The following KCND2 variants were observed in gnomAD, a reference collection of about 807,000 sequenced individuals.
KCND2 encodes A-type voltage-gated potassium channel KCND2.
In KCND2, 16 loss-of-function variants were observed where a neutral mutation model predicts 54.4. The ratio of observed to expected loss-of-function variants is 0.29; its 90% confidence interval spans 0.20 to 0.45. KCND2 has a LOEUF of 0.45. Ranked by LOEUF, KCND2 falls within the 20% of genes least tolerant of loss-of-function variation. KCND2 has a pLI of 1.00. For missense variants in KCND2, 486 were observed against 824.2 expected, an observed-to-expected ratio of 0.59 and a Z score of 5.02; for synonymous variants, 317 against 310.7, an observed-to-expected ratio of 1.02 and a Z score of -0.21.
intron 1 of KCND2, among the ~76,000 whole-genome samples, chr7:120,519,441 C>T (rs572930843): frequency 6.6e-6 from 1 of 152,244 alleles, no homozygotes; most frequent in African/African-American, 2.4e-5. Context: ...CTCATCTCTA[C>T]CACAGTGAAC....
At position 120,723,086 on chromosome 7, in the gene KCND2, G is replaced by A. The variant is rs933491495; in HGVS notation, c.1116-9817G>A. ...AGTTACCTTTCAAAGGCCAGGAAGA[G>A]ATGGAAGCAATGGCCGCAGGTAACT... On this transcript the variant is annotated intron_variant, in intron 1 of 5. Coordinates refer to ENST00000331113, the MANE Select transcript of KCND2 (RefSeq NM_012281.3). Among the ~76,000 whole-genome samples the A allele has an allele frequency of 2.0e-5, 3 of 152,164 alleles. No individual in the cohort carries two copies. The South Asian group carries it at 6.2e-4, about 32-fold the overall frequency.
At chr7:120,680,812 G>A (rs948160970) in intron 1 of KCND2, among the ~76,000 whole-genome samples, 1 of 152,000 alleles carries the variant, frequency 6.6e-6, no homozygotes, top group African/African-American at 2.4e-5. Context: ...TCCAATATTT[G>A]TTGATCAAAG....
chr7:120,343,163 G>A (rs1800266655), intron 1 of KCND2, among the ~76,000 whole-genome samples: 1 of 152,160 alleles, frequency 6.6e-6, no homozygotes, highest in African/African-American at 2.4e-5. Flanking sequence ...CATGTTGATG[G>A]CTAGGACTAG....
chr7:120,644,756 A>G (rs1410628358), intron 1 of KCND2, among the ~76,000 whole-genome samples: 2 of 152,192 alleles, frequency 1.3e-5, no homozygotes, highest in African/African-American at 4.8e-5. Flanking sequence ...ATTAATTAGG[A>G]ATATATTTAC....
chr7:120,512,943 C>T (rs1803142111), intron 1 of KCND2, among the ~76,000 whole-genome samples: 1 of 151,748 alleles, frequency 6.6e-6, no homozygotes, highest in African/African-American at 2.4e-5. Flanking sequence ...TAGAGGCATG[C>T]ACCACCATGC....
At chr7:120,273,145 A>C (rs1342327738), upstream of KCND2, among the ~76,000 whole-genome samples, 1 of 152,106 alleles carries the variant, frequency 6.6e-6, no homozygotes, top group African/African-American at 2.4e-5. Context: ...GAGAAAGGTC[A>C]AGCCGAGGGA....
At chr7:120,326,199 G>A (rs1375072649) in intron 1 of KCND2, among the ~76,000 whole-genome samples, 1 of 152,066 alleles carries the variant, frequency 6.6e-6, no homozygotes, top group African/African-American at 2.4e-5. Flanking sequence ...AATGACGAAT[G>A]TACCTATGCA....
rs1267453745 is a variant in KCND2 at position 120,274,269 on chromosome 7, TC to T, written c.-362del. The T allele has an allele frequency of 2.6e-6, 1 of 392,094 alleles. No individual in the cohort carries two copies. The highest frequency in any genetic ancestry group is 2.0e-5 in the African/African-American group (1 of 48,824). The allele number at this position is 392,094 out of a possible 1,614,324, so 24.3% of individuals were successfully genotyped here. A position where few individuals can be genotyped will look rare whatever the true frequency, so the allele number is the denominator to read the frequency against. ...CACTCCACATACTGACCCTATATTA[TC>T]CAGACTGTGCCGGGGAGAAATCAAA... is the stretch of plus-strand genomic sequence containing the variant. On this transcript the variant is annotated 5_prime_UTR_variant, in exon 1 of 6. Coordinates refer to ENST00000331113, the MANE Select transcript of KCND2 (RefSeq NM_012281.3).
rs1792998586 is a variant in KCND2 at position 120,745,822 on chromosome 7, A to G, written c.1510A>G (p.Met504Val). The G allele has an allele frequency of 6.2e-6, 10 of 1,613,784 alleles. No individual in the cohort carries two copies. The highest frequency in any genetic ancestry group is 8.5e-6 in the Non-Finnish European group (10 of 1,179,760). ...CGAACAAGTCTTTGAAGAAAGCTGC[A>G]TGGAAGTTGCAACTGTTAATCGTCC... ...VDEQVFEESC[M>V]EVATVNRPSS... is the part of the protein sequence containing the mutation. Residue 504 changes from methionine (M) to valine (V), a missense_variant, in exon 5 of 6, where the codon ATG (methionine) becomes GTG (valine). This residue lies in a region of KCND2 where 202 missense variants were observed against 252.7 expected (regional missense o/e 0.80). Transcript: ENST00000331113.
At chr7:120,420,605 G>A (rs1037270258) in intron 1 of KCND2, among the ~76,000 whole-genome samples, 1 of 152,112 alleles carries the variant, frequency 6.6e-6, no homozygotes, top group Non-Finnish European at 1.5e-5. Flanking sequence ...CATATCCATC[G>A]GGGTGAGGAG....
intron 1 of KCND2, among the ~76,000 whole-genome samples, chr7:120,652,219 G>A (rs574800439): frequency 2.0e-5 from 3 of 152,228 alleles, no homozygotes; most frequent in East Asian, 1.9e-4. Context: ...GGGACTACAG[G>A]TGCGCACCAC....
At chr7:120,463,534 G>T (rs1175650601) in intron 1 of KCND2, among the ~76,000 whole-genome samples, 1 of 151,978 alleles carries the variant, frequency 6.6e-6, no homozygotes, top group African/African-American at 2.4e-5. Context: ...TCTAACATAA[G>T]TGGCATTTTT....
chr7:120,636,669 A>C (rs1234853467), intron 1 of KCND2, among the ~76,000 whole-genome samples: 1 of 152,130 alleles, frequency 6.6e-6, no homozygotes, highest in African/African-American at 2.4e-5. Flanking sequence ...ATATAAGTGG[A>C]TGAATCTTAG....
rs186619274 is a variant in KCND2, at chr7:120,359,882, T to G, written c.1115+84135T>G. Among the ~76,000 whole-genome samples, 181 of 152,226 alleles carry G rather than the reference T, an allele frequency of 1.2e-3. 1 individual carries two copies. Among genetic ancestry groups the G allele is most frequent in the African/African-American group, 4.3e-3 (178 of 41,556 alleles). On this transcript the variant is annotated intron_variant, in intron 1 of 5. Coordinates refer to ENST00000331113, the MANE Select transcript of KCND2 (RefSeq NM_012281.3). ...TTTTATAAGGCAGTTTTCCCTGCTC[T>G]TGCTCACTCTCTCTCATCTGCCACC... is the stretch of plus-strand genomic sequence containing the variant.
intron 1 of KCND2, among the ~76,000 whole-genome samples, chr7:120,382,243 A>G (rs1010473665): frequency 6.6e-6 from 1 of 151,842 alleles, no homozygotes; most frequent in Non-Finnish European, 1.5e-5. Flanking sequence ...CTAAAGTTTG[A>G]ATATGAAGCC....
At chr7:120,655,863 T>C (rs1791795058) in intron 1 of KCND2, among the ~76,000 whole-genome samples, 1 of 152,138 alleles carries the variant, frequency 6.6e-6, no homozygotes, top group South Asian at 2.1e-4. Context: ...ATCATTTTCC[T>C]ACAATAATAA....
At chr7:120,603,738 A>G (rs1042858716) in intron 1 of KCND2, among the ~76,000 whole-genome samples, 1 of 152,188 alleles carries the variant, frequency 6.6e-6, no homozygotes, top group East Asian at 1.9e-4. Context: ...AAAAGTTTCC[A>G]TGGTCCCTGT....
At chr7:120,537,664 C>T (rs1791928946) in intron 1 of KCND2, among the ~76,000 whole-genome samples, 1 of 152,164 alleles carries the variant, frequency 6.6e-6, no homozygotes, top group Non-Finnish European at 1.5e-5. Flanking sequence ...TTGCAGCTTC[C>T]ATCTATATTA....
rs1207727904 is a variant in KCND2, at chr7:120,742,610, G to A, written c.1467+8G>A. On this transcript the variant is annotated splice_region_variant and intron_variant, in intron 4 of 5. Coordinates refer to ENST00000331113, the MANE Select transcript of KCND2 (RefSeq NM_012281.3). ...TGCCTGGAAAAAACCACGGTAAGGA[G>A]ACAGCATGACTGCCTTCCCTTGCTC... is the stretch of plus-strand genomic sequence containing the variant. 1.2e-6 allele frequency: 2 copies of A among 1,604,620 alleles called. No individual in the cohort carries two copies. Among genetic ancestry groups the A allele is most frequent in the Non-Finnish European group, 1.7e-6 (2 of 1,171,644 alleles).
Sources: gnomAD v4.1 joint callset for allele counts (sites outside exome capture counted in the v4.1 genomes callset) on GRCh38, gnomAD v4.1.1 for gene constraint, gnomAD v4.1.1 regional missense constraint, MANE v1.5 for transcripts, NCBI Gene and HGNC (gene_info 2026-07-23, HGNC 2026-07-21) for gene names.